The following ARHGAP8 variants were observed in gnomAD, a reference collection of about 807,000 sequenced individuals.
ARHGAP8 encodes the protein rho GTPase-activating protein 8.
ARHGAP8 carries 62 observed loss-of-function variants against 46.1 expected under a neutral mutation model. That is an observed-to-expected ratio of 1.34 (90% CI 1.10 to 1.66). The LOEUF (loss-of-function observed/expected upper bound fraction) is 1.66. ARHGAP8 is among the 40% of genes most tolerant of loss of function. The pLI, the probability that ARHGAP8 is intolerant of heterozygous loss-of-function variation, is 0.00. For synonymous variants in ARHGAP8, 375 were observed against 243.1 expected, an observed-to-expected ratio of 1.54 and a Z score of -5.05; for missense variants, 923 against 568.4, an observed-to-expected ratio of 1.62 and a Z score of -6.34.
chr22:44,786,754 CCTTTAATCCTAGCA>C (rs1470269417), intron 2 of ARHGAP8, 148 bp downstream of exon 2: 1 of 1,248,540 alleles, frequency 8.0e-7, no homozygotes, highest in Non-Finnish European at 1.1e-6. Context: ...GTGGCTCATA[CCTTTAATCCTAGCA>C]CTTTGTGAGG....
chr22:44,797,982 T>G (rs1312597624), intron 2 of ARHGAP8, among the ~76,000 whole-genome samples: 1 of 148,920 alleles, frequency 6.7e-6, no homozygotes, highest in Non-Finnish European at 1.5e-5. Context: ...CAATAAGATT[T>G]TTTTTTTTTT....
intron 8 of ARHGAP8, among the ~76,000 whole-genome samples, chr22:44,846,428 T>G (rs2069957812): frequency 6.6e-6 from 1 of 152,066 alleles, no homozygotes; most frequent in African/African-American, 2.4e-5. Flanking sequence ...TCCATGCACA[T>G]GGGGGTGGCA....
chr22:44,782,391 C>G (rs996819481), intron 1 of ARHGAP8, among the ~76,000 whole-genome samples: 1 of 152,140 alleles, frequency 6.6e-6, no homozygotes, highest in Non-Finnish European at 1.5e-5. Flanking sequence ...GCACACAATT[C>G]AGGGCTGTCG....
chr22:44,780,610 C>T lies in ARHGAP8; in HGVS notation c.-71-5847C>T, dbSNP rs540799288. On this transcript the variant is annotated intron_variant, in intron 1 of 11. Coordinates refer to ENST00000356099, the MANE Select transcript of ARHGAP8 (RefSeq NM_181335.3). ...CAGGGAGGCGGAGGTTGCATTGAGCCGAGATCGCACCACTGCACTCCAGCC... is the reference window on the plus strand; with the variant it reads ...CAGGGAGGCGGAGGTTGCATTGAGCTGAGATCGCACCACTGCACTCCAGCC... 7.4e-5 allele frequency among the ~76,000 whole-genome samples: 11 copies of T among 148,598 alleles called. No homozygotes were observed. The South Asian group carries it at 2.2e-3, about 30-fold the overall frequency.
rs575467666 is a variant in ARHGAP8, at chr22:44,768,602, T to A, written c.-72+15975T>A. On this transcript the variant is annotated intron_variant, in intron 1 of 11. Transcript: ENST00000356099. ...GATTTTGGGCATGAGCCACCGCACC[T>A]GTTCTTGATGTCTTTTCTCTTGTTC... Among the ~76,000 whole-genome samples, 4 of 152,090 alleles carry A rather than the reference T, an allele frequency of 2.6e-5. No homozygotes were observed. The South Asian group carries it at 8.3e-4, about 32-fold the overall frequency.
chr22:44,814,847 T>G, intron 5 of ARHGAP8, 89 bp downstream of exon 5: 2 of 1,468,666 alleles, frequency 1.4e-6, no homozygotes, highest in Non-Finnish European at 1.9e-6. Flanking sequence ...CCACGCATCA[T>G]GGAGGGCCCG....
chr22:44,781,416 TG>T (rs1430357022), intron 1 of ARHGAP8, among the ~76,000 whole-genome samples: 1 of 152,202 alleles, frequency 6.6e-6, no homozygotes, highest in Non-Finnish European at 1.5e-5. Context: ...TGCGTTCAGA[TG>T]GGGTCCCTTG....
At chr22:44,849,473 A>G (rs2070042652) in intron 10 of ARHGAP8, 3 of 238,320 alleles carry the variant, frequency 1.3e-5, no homozygotes, top group Admixed American at 5.1e-5. Context: ...TGCCAAGCAT[A>G]TATCACAGGA....
intron 8 of ARHGAP8, among the ~76,000 whole-genome samples, chr22:44,846,140 C>T (rs1476214006): frequency 6.6e-6 from 1 of 152,202 alleles, no homozygotes; most frequent in Non-Finnish European, 1.5e-5. Flanking sequence ...CCAGCTCTGC[C>T]CACGGACTCA....
At position 44,860,007 on chromosome 22, in the gene ARHGAP8, A is replaced by AT. The variant is rs527458963; in HGVS notation, c.981+174dup. 4.6e-3 allele frequency among the ~76,000 whole-genome samples: 525 copies of AT among 113,454 alleles called. 2 individuals are homozygous for AT. Among genetic ancestry groups the AT allele is most frequent in the Admixed American group, 6.7e-3 (64 of 9,492 alleles). The allele number at this position is 113,454 out of a possible 152,430, so 74.4% of individuals were successfully genotyped here. On this transcript the variant is annotated intron_variant, in intron 11 of 11. Coordinates refer to ENST00000356099, the MANE Select transcript of ARHGAP8 (RefSeq NM_181335.3). ...TCATCCAAGGCCTGGTCAGGCACCC[A>AT]TGCTGCTGCGGACCTCCTGCCTGTC...
chr22:44,802,049 A>G (rs1928593637), intron 2 of ARHGAP8, 28 bp from the exon 3 acceptor site: 3 of 1,612,284 alleles, frequency 1.9e-6, no homozygotes, highest in Non-Finnish European at 2.5e-6. Context: ...AAGGTGGCAC[A>G]GAGGCTCACC....
intron 4 of ARHGAP8, chr22:44,809,427 G>C (rs1293665591): frequency 5.7e-6 from 2 of 350,144 alleles, no homozygotes; most frequent in African/African-American, 4.3e-5. Context: ...CTGCATGACC[G>C]TTTCTTCACT....
chr22:44,846,155 C>T (rs2269540), intron 8 of ARHGAP8, among the ~76,000 whole-genome samples: 27,899 of 152,196 alleles, frequency 0.18, 3,304 homozygotes, highest in Admixed American at 0.23. Flanking sequence ...GACTCAGCAC[C>T]GTGGGCCCCG....
At chr22:44,852,454 T>G (rs2070121177) in intron 10 of ARHGAP8, among the ~76,000 whole-genome samples, 2 of 152,174 alleles carry the variant, frequency 1.3e-5, no homozygotes, top group African/African-American at 2.4e-5. Flanking sequence ...CCTGCCTTTC[T>G]TAGATTCCTT....
chr22:44,816,483 G>A (rs1419452901), intron 5 of ARHGAP8, among the ~76,000 whole-genome samples: 1 of 151,994 alleles, frequency 6.6e-6, no homozygotes, highest in Admixed American at 6.6e-5. Flanking sequence ...GGTACTCAGA[G>A]GAATGTTGGC....
chr22:44,776,567 T>C (rs183106301), intron 1 of ARHGAP8, among the ~76,000 whole-genome samples: 1 of 152,306 alleles, frequency 6.6e-6, no homozygotes, highest in African/African-American at 2.4e-5. Context: ...CCTGCCTTGT[T>C]TGAGAGTCAT....
intron 1 of ARHGAP8, among the ~76,000 whole-genome samples, chr22:44,772,433 G>T (rs9614915): frequency 2.1e-5 from 3 of 142,760 alleles, no homozygotes; most frequent in Non-Finnish European, 3.0e-5. Context: ...CAAGTGATCC[G>T]CCCGCCTTGG....
At chr22:44,787,409 G>A (rs542319627) in intron 2 of ARHGAP8, among the ~76,000 whole-genome samples, 12 of 152,180 alleles carry the variant, frequency 7.9e-5, no homozygotes, top group Non-Finnish European at 1.5e-4. Context: ...GCAGTAGTAC[G>A]ATCCCAGCTC....
At chr22:44,839,874 G>A (rs1435783822) in intron 7 of ARHGAP8, among the ~76,000 whole-genome samples, 2 of 152,196 alleles carry the variant, frequency 1.3e-5, no homozygotes, top group East Asian at 1.9e-4. Flanking sequence ...AGCAGAACTC[G>A]GCCAGGCGAG....
Sources: allele counts gnomAD v4.1 joint callset (sites outside exome capture counted in the v4.1 genomes callset), GRCh38; gene constraint gnomAD v4.1.1; transcripts MANE v1.5; gene names NCBI Gene and HGNC (gene_info 2026-07-23, HGNC 2026-07-21).